The following RYR1 variants were observed in gnomAD, a reference collection of about 807,000 sequenced individuals.
RYR1 encodes the protein central core disease of muscle.
Under a neutral mutation model 583.5 loss-of-function variants are expected in RYR1, and 342 were observed. The ratio of observed to expected loss-of-function variants is 0.59; its 90% CI spans 0.54 to 0.64. The LOEUF is 0.64. RYR1 is among the 30% of genes least tolerant of loss of function. The pLI, the probability that RYR1 is intolerant of heterozygous loss-of-function variation, is 0.00. For missense variants in RYR1, 6,032 were observed against 6,917.2 expected (o/e 0.87, Z 4.54); for synonymous variants, 2,791 against 2,822.5 (o/e 0.99, Z 0.35).
At position 38,506,181 on chromosome 19, in the gene RYR1, A is replaced by C. The variant is rs2915955; in HGVS notation, c.8542-122A>C. On this transcript the variant is annotated intron_variant, in intron 54 of 105. Transcript: ENST00000359596. ...GAGACAGGGCCTTAAGGAAAGGACA[A>C]GGGGTCTTGAGCCAGGGGAGGGTGG... 302,340 of 1,001,068 alleles carry C rather than the reference A, an allele frequency of 0.3. 46,408 individuals are homozygous for C. Among genetic ancestry groups the C allele is most frequent in the African/African-American group, 0.46 (26,625 of 58,488 alleles). The allele number at this position is 1,001,068 out of a possible 1,614,324, so 62.0% of individuals were successfully genotyped here. A position where few individuals can be genotyped will look rare whatever the true frequency, so the allele number is the denominator to read the frequency against.
At chr19:38,502,813 G>T in intron 48 of RYR1, 67 bp from the exon 49 acceptor site, 1 of 1,041,632 alleles carries the variant, frequency 9.6e-7, no homozygotes, top group Non-Finnish European at 1.2e-6. Context: ...GCAGGGGGAG[G>T]AGCAGGGGCA....
At chr19:38,578,915 A>G (rs1974076052) in intron 99 of RYR1, among the ~76,000 whole-genome samples, 1 of 151,446 alleles carries the variant, frequency 6.6e-6, no homozygotes, top group African/African-American at 2.4e-5. Context: ...GTTTAAGACC[A>G]GCTTGGGCAA....
rs376195123 is a variant in RYR1 at position 38,510,646 on chromosome 19, C to T, written c.9001-14C>T. The stretch of plus-strand genomic sequence containing the variant: ...CCCTCATTGGACCCTTTATCTCCCC[C>T]AACCCGTCTCCAGATCCTGCTCCCT... On this transcript the variant is annotated splice_polypyrimidine_tract_variant and intron_variant, in intron 59 of 105. Transcript: ENST00000359596. The T allele has an allele frequency of 6.2e-7, 1 of 1,614,170 alleles. No homozygotes were observed. The highest frequency in any genetic ancestry group is 8.5e-7 in the Non-Finnish European group (1 of 1,180,038).
In RYR1 at chr19:38,502,734, C is replaced by A; in HGVS notation, c.7835+7C>A. 4 of 1,264,708 alleles carry A rather than the reference C, an allele frequency of 3.2e-6. No homozygotes were observed. In the South Asian group the frequency reaches 4.9e-5, roughly 15 times the overall value. 78.3% of individuals were successfully genotyped at this position (1,264,708 alleles called of 1,614,324 possible). A position where few individuals can be genotyped will look rare whatever the true frequency, so the allele number is the denominator to read the frequency against. On this transcript the variant is annotated splice_region_variant and intron_variant, in intron 48 of 105. Transcript: ENST00000359596. ...GCCTCATGTCGCTCTGCAGGTGGAGCGGGGCAGGCTTCAGGGTGGGGCAGG... is the reference window on the plus strand; with the variant it reads ...GCCTCATGTCGCTCTGCAGGTGGAGAGGGGCAGGCTTCAGGGTGGGGCAGG...
intron 13 of RYR1, 24 bp downstream of exon 13, chr19:38,453,038 C>G: frequency 3.3e-6 from 5 of 1,530,390 alleles, no homozygotes; most frequent in South Asian, 1.1e-5. Flanking sequence ...GAGGGCGGAG[C>G]GGGGCCTGTG....
intron 92 of RYR1, among the ~76,000 whole-genome samples, chr19:38,567,205 C>T (rs1973482684): frequency 6.6e-6 from 1 of 151,984 alleles, no homozygotes; most frequent in Admixed American, 6.6e-5. Flanking sequence ...ATTAGCCAAG[C>T]ATGGTGGTGT....
intron 13 of RYR1, 63 bp downstream of exon 13, chr19:38,453,077 GGGGCCACGGCGCTGGGCGGGGCA>G (rs1311808719): frequency 6.4e-6 from 10 of 1,559,610 alleles, no homozygotes; most frequent in Middle Eastern, 1.8e-4. Flanking sequence ...ACTGAGGGGC[GGGGCCACGGCGCTGGGCGGGGCA>G]GGGCCTGAGG....
chr19:38,575,890 A>G, intron 96 of RYR1, 29 bp from the exon 97 acceptor site: 15 of 1,613,444 alleles, frequency 9.3e-6, no homozygotes, highest in Non-Finnish European at 1.2e-5. Context: ...AACATCTTAT[A>G]CTCACGCTTT....
intron 42 of RYR1, among the ~76,000 whole-genome samples, chr19:38,497,797 C>T (rs967724158): frequency 5.3e-5 from 8 of 151,908 alleles, no homozygotes; most frequent in African/African-American, 1.9e-4. Flanking sequence ...AATATAGGGA[C>T]ACCTTGTCTC....
chr19:38,503,030 C>T (rs574864778), intron 49 of RYR1, 60 bp downstream of exon 49: 5 of 1,535,234 alleles, frequency 3.3e-6, no homozygotes, highest in South Asian at 1.1e-5. Context: ...TTTGCTCTTC[C>T]CTCCTACTGC....
chr19:38,520,539 A>G (rs958665174), intron 67 of RYR1, among the ~76,000 whole-genome samples: 4 of 151,530 alleles, frequency 2.6e-5, no homozygotes, highest in Admixed American at 1.3e-4. Context: ...TATTATGAAT[A>G]CAAAAATTAG....
rs2145682010 is a variant in RYR1 at position 38,517,470 on chromosome 19, T to C, written c.9797T>C (p.Met3266Thr). 1.2e-6 allele frequency: 2 copies of C among 1,614,022 alleles called. No individual in the cohort carries two copies. Among genetic ancestry groups the C allele is most frequent in the Non-Finnish European group, 1.7e-6 (2 of 1,179,988 alleles). The change falls in exon 66 of 106, where the codon ATG becomes ACG. Residue 3266 changes from methionine to threonine, a missense_variant. Coordinates refer to ENST00000359596, the MANE Select transcript of RYR1 (RefSeq NM_000540.3). ...GAGTCAGGTGCCCGCTACACAGAGA[T>C]GCCGCATGTCATCGAGATCACGCTG... is the stretch of plus-strand genomic sequence containing the variant. Reference protein sequence around the residue: ...LAESGARYTEMPHVIEITLPM... With the variant: ...LAESGARYTETPHVIEITLPM...
chr19:38,504,652 G>A, intron 50 of RYR1, 96 bp from the exon 51 acceptor site: 4 of 1,521,354 alleles, frequency 2.6e-6, no homozygotes, highest in South Asian at 2.3e-5. Context: ...GGGGTTCAGG[G>A]AGGAGGGCTG....
intron 31 of RYR1, 32 bp from the exon 32 acceptor site, chr19:38,482,995 T>G: frequency 3.2e-6 from 5 of 1,585,884 alleles, no homozygotes; most frequent in Non-Finnish European, 4.3e-6. Flanking sequence ...AGCCCACCCG[T>G]TTGCTCACCT....
chr19:38,548,480 A>G (rs566868995), intron 89 of RYR1, 60 bp downstream of exon 89: 16 of 1,545,782 alleles, frequency 1.0e-5, no homozygotes, highest in Admixed American at 3.4e-5. Context: ...GGCCAGCCAT[A>G]CCCTTCTGGC....
rs1295561951 is a variant in RYR1, at chr19:38,492,635, C to T, written c.6273C>T (p.Pro2091=). 1 of 1,609,400 alleles carries T rather than the reference C, an allele frequency of 6.2e-7. No homozygotes were observed. The highest frequency in any genetic ancestry group is 2.2e-5 in the East Asian group (1 of 44,706). Residue 2091 remains proline (P), a splice_region_variant and synonymous_variant, in exon 38 of 106, where the codon CCC becomes CCT. Coordinates refer to ENST00000359596, the MANE Select transcript of RYR1 (RefSeq NM_000540.3). The part of the protein sequence containing the change: ...EEERSAEESK[P]RSLQELVSHM... The stretch of plus-strand genomic sequence containing the variant: ...AGCGGTCAGCAGAGGAGAGCAAACC[C>T]CGTGAGGACTGGGGTCACTGGGGAG...
intron 1 of RYR1, among the ~76,000 whole-genome samples, chr19:38,438,387 AT>A (rs35789428): frequency 5.4e-5 from 8 of 147,122 alleles, no homozygotes; most frequent in East Asian, 2.0e-4. Flanking sequence ...GAGGGCCGTG[AT>A]TTTTTTTTTT....
rs762775035 is a variant in RYR1 at position 38,507,754 on chromosome 19, G to A, written c.8859G>A (p.Lys2953=). 1.2e-6 allele frequency: 2 copies of A among 1,613,952 alleles called. No homozygotes were observed. Among genetic ancestry groups the A allele is most frequent in the Non-Finnish European group, 1.7e-6 (2 of 1,179,860 alleles). The change falls in exon 58 of 106, where the codon AAG becomes AAA. Residue 2953 remains lysine, a synonymous_variant. Transcript: ENST00000359596. ...DMELDSSSIE[K]RFAFGFLQQL... Reference sequence around the variant, plus strand: ...AACTGGACTCGTCTTCCATTGAAAAGCGGTTTGCCTTTGGCTTCCTGCAGC... The same window carrying A: ...AACTGGACTCGTCTTCCATTGAAAAACGGTTTGCCTTTGGCTTCCTGCAGC...
In RYR1 at chr19:38,586,889, T is replaced by G. The variant is rs138748000; in HGVS notation, c.15021+313T>G. Among the ~76,000 whole-genome samples, 317 of 152,258 alleles carry G rather than the reference T, an allele frequency of 2.1e-3. 2 individuals carry two copies. Among genetic ancestry groups the G allele is most frequent in the Middle Eastern group, 6.8e-3 (2 of 294 alleles). Reference sequence around the variant, plus strand: ...GGAAAGCTGAGGTGGGAGAATCGCTTGAACCCAGGAGGCAGAAGTTGCAGT... The same window carrying G: ...GGAAAGCTGAGGTGGGAGAATCGCTGGAACCCAGGAGGCAGAAGTTGCAGT... On this transcript the variant is annotated intron_variant, in intron 105 of 105. Transcript: ENST00000359596.
Sources: gnomAD v4.1 joint callset for allele counts (sites outside exome capture counted in the v4.1 genomes callset) on GRCh38, gnomAD v4.1.1 for gene constraint, MANE v1.5 for transcripts, NCBI Gene and HGNC (gene_info 2026-07-23, HGNC 2026-07-21) for gene names.